PCSK6: variants seen among roughly 807,000 people sequenced by gnomAD.
PCSK6 encodes proprotein convertase subtilisin/kexin type 6, also known as paired basic amino acid cleaving enzyme 4.
A neutral mutation model predicts 123.3 loss-of-function variants in PCSK6; 85 were observed. The ratio of observed to expected loss-of-function variants is 0.69; its 90% CI spans 0.58 to 0.83. PCSK6 has a LOEUF of 0.83. Ranked by LOEUF, PCSK6 falls within the 40% of genes least tolerant of loss-of-function variation. The pLI is 0.00. For synonymous variants in PCSK6, 508 were observed against 516.0 expected (o/e 0.98, Z 0.21); for missense variants, 1,191 against 1,282.3 (o/e 0.93, Z 1.09).
intron 1 of PCSK6, among the ~76,000 whole-genome samples, chr15:101,469,959 C>T (rs967178917): frequency 6.6e-6 from 1 of 152,174 alleles, no homozygotes; most frequent in Non-Finnish European, 1.5e-5. Context: ...TGATAATCGC[C>T]GTGATGATAT....
chr15:101,390,313 G>C lies in PCSK6; in HGVS notation c.1210-749C>G, dbSNP rs2042190926. On this transcript the variant is annotated intron_variant, in intron 8 of 21. Transcript: ENST00000611716. Reference sequence around the variant, plus strand: ...CTCAAACGGGAAGTGGGTGCTGGGGGTTCAGCCTGTGTGGGTTCAGGTGTG... The same window carrying C: ...CTCAAACGGGAAGTGGGTGCTGGGGCTTCAGCCTGTGTGGGTTCAGGTGTG... 2.6e-5 allele frequency among the ~76,000 whole-genome samples: 4 copies of C among 152,202 alleles called. 1 individual carries two copies. The highest frequency in any genetic ancestry group is 2.6e-4 in the Admixed American group (4 of 15,260).
chr15:101,462,044 T>C (rs1202635279), intron 1 of PCSK6, among the ~76,000 whole-genome samples: 1 of 152,204 alleles, frequency 6.6e-6, no homozygotes. Context: ...TCACAGATGA[T>C]ATGACTATCT....
chr15:101,421,319 T>C (rs1421762046), intron 6 of PCSK6, among the ~76,000 whole-genome samples: 1 of 152,238 alleles, frequency 6.6e-6, no homozygotes, highest in African/African-American at 2.4e-5. Flanking sequence ...ACAACATTTA[T>C]AAGGAATGTG....
At chr15:101,482,481 G>T (rs1422636413) in intron 1 of PCSK6, among the ~76,000 whole-genome samples, 1 of 152,240 alleles carries the variant, frequency 6.6e-6, no homozygotes, top group Non-Finnish European at 1.5e-5. Context: ...TGGCTGAGCT[G>T]CAGAAGATCA....
chr15:101,440,757 C>T (rs182181992), intron 2 of PCSK6, among the ~76,000 whole-genome samples: 9 of 152,326 alleles, frequency 5.9e-5, no homozygotes, highest in Admixed American at 3.9e-4. Flanking sequence ...CGTAGGGAAA[C>T]GTTCTGATGC....
chr15:101,308,665 G>C (rs2039779783), intron 20 of PCSK6: 1 of 151,978 alleles, frequency 6.6e-6, no homozygotes, highest in Non-Finnish European at 1.5e-5. Flanking sequence ...GGAAAGGATG[G>C]GGTTAGAGGA....
chr15:101,313,548 C>A, intron 19 of PCSK6, 43 bp from the exon 20 acceptor site: 1 of 1,560,184 alleles, frequency 6.4e-7, no homozygotes, highest in Non-Finnish European at 8.6e-7. Flanking sequence ...GGATGGCTGG[C>A]AGAAGACCAT....
At chr15:101,326,532 T>C in intron 15 of PCSK6, 53 bp from the exon 16 acceptor site, 1 of 1,474,710 alleles carries the variant, frequency 6.8e-7, no homozygotes, top group Non-Finnish European at 9.3e-7. Flanking sequence ...CTCCATCTAC[T>C]GCAGTCCCGC....
At chr15:101,429,318 C>T (rs941094998) in intron 5 of PCSK6, among the ~76,000 whole-genome samples, 8 of 152,278 alleles carry the variant, frequency 5.3e-5, no homozygotes, top group Non-Finnish European at 8.8e-5. Flanking sequence ...TCTCCGGACC[C>T]CACTGCCTCC....
At chr15:101,454,604 G>A (rs1169380204) in intron 1 of PCSK6, among the ~76,000 whole-genome samples, 1 of 152,188 alleles carries the variant, frequency 6.6e-6, no homozygotes, top group African/African-American at 2.4e-5. Flanking sequence ...TGGTTGCCAG[G>A]GGCTGTGGGG....
chr15:101,477,387 T>C (rs1187314805), intron 1 of PCSK6, among the ~76,000 whole-genome samples: 1 of 152,224 alleles, frequency 6.6e-6, no homozygotes, highest in Non-Finnish European at 1.5e-5. Context: ...AGGTTAGAGA[T>C]GCTCAACAAG....
intron 1 of PCSK6, among the ~76,000 whole-genome samples, chr15:101,446,081 C>T (rs1269220836): frequency 6.6e-6 from 1 of 152,262 alleles, no homozygotes; most frequent in Non-Finnish European, 1.5e-5. Context: ...ACCAGGCCAA[C>T]CACCTCTGGA....
intron 2 of PCSK6, 68 bp downstream of exon 2, chr15:101,443,488 C>A: frequency 9.4e-7 from 1 of 1,059,544 alleles, no homozygotes; most frequent in African/African-American, 1.6e-5. Flanking sequence ...AAAATCCAGA[C>A]TCCGCCATTT....
chr15:101,338,541 C>T (rs1178333916), intron 13 of PCSK6, among the ~76,000 whole-genome samples: 1 of 152,236 alleles, frequency 6.6e-6, no homozygotes, highest in African/African-American at 2.4e-5. Context: ...CCAGGGTCTA[C>T]ACTCAACAGA....
intron 1 of PCSK6, among the ~76,000 whole-genome samples, chr15:101,470,757 C>T (rs545921534): frequency 1.3e-5 from 2 of 152,312 alleles, no homozygotes; most frequent in South Asian, 4.2e-4. Flanking sequence ...ACCGCTGTGT[C>T]TTTGCTGCAT....
At chr15:101,389,651 T>G (rs1249781951) in intron 8 of PCSK6, 87 bp from the exon 9 acceptor site, 5 of 1,037,086 alleles carry the variant, frequency 4.8e-6, no homozygotes, top group Non-Finnish European at 7.2e-6. Context: ...CAGGTGCCAC[T>G]AACTGGCAAG....
chr15:101,446,373 C>T (rs935119811), intron 1 of PCSK6, among the ~76,000 whole-genome samples: 1 of 152,256 alleles, frequency 6.6e-6, no homozygotes, highest in Non-Finnish European at 1.5e-5. Flanking sequence ...CTGCACATCT[C>T]ACATTTTGTT....
At chr15:101,487,633 C>G (rs1268048056) in intron 1 of PCSK6, among the ~76,000 whole-genome samples, 1 of 152,218 alleles carries the variant, frequency 6.6e-6, no homozygotes, top group Non-Finnish European at 1.5e-5. Flanking sequence ...TCCCAAAACC[C>G]AGGCACTTTG....
intron 6 of PCSK6, among the ~76,000 whole-genome samples, chr15:101,421,765 A>G (rs2056092177): frequency 6.6e-6 from 1 of 152,194 alleles, no homozygotes; most frequent in African/African-American, 2.4e-5. Context: ...CATTCAGCAA[A>G]GCCACTATCT....
Sources: allele counts gnomAD v4.1 joint callset (sites outside exome capture counted in the v4.1 genomes callset), GRCh38; gene constraint gnomAD v4.1.1; transcripts MANE v1.5; gene names NCBI Gene and HGNC (gene_info 2026-07-23, HGNC 2026-07-21).